The following JMJD1C variants were observed in gnomAD, a reference collection of about 807,000 sequenced individuals.
JMJD1C encodes jumonji domain-containing protein 1C.
A neutral mutation model predicts 245.3 loss-of-function variants in JMJD1C; 31 were observed. The ratio of observed to expected loss-of-function variants is 0.13; its 90% CI spans 0.09 to 0.17. JMJD1C has a LOEUF of 0.17. Among genes scored for constraint, JMJD1C ranks in the 10% least tolerant of loss-of-function variants. JMJD1C has a pLI of 1.00. For synonymous variants in JMJD1C, 1,057 were observed against 1,017.4 expected, an observed-to-expected ratio of 1.04 and a Z score of -0.74; for missense variants, 2,691 against 3,000.2, an observed-to-expected ratio of 0.90 and a Z score of 2.41.
chr10:63,245,156 AAGAG>A (rs1191558747), intron 3 of JMJD1C, among the ~76,000 whole-genome samples: 4 of 136,564 alleles, frequency 2.9e-5, no homozygotes, highest in African/African-American at 8.2e-5. Flanking sequence ...AAAAAAAAAA[AAGAG>A]AGATTAAAAA....
chr10:63,274,172 A>G (rs1856576302), intron 2 of JMJD1C, among the ~76,000 whole-genome samples: 1 of 152,250 alleles, frequency 6.6e-6, no homozygotes, highest in Admixed American at 6.5e-5. Flanking sequence ...AAAGCTGACT[A>G]TAATTCATTA....
At chr10:63,429,080 AAGAG>A (rs1950602521) in intron 1 of JMJD1C, among the ~76,000 whole-genome samples, 1 of 152,170 alleles carries the variant, frequency 6.6e-6, no homozygotes. Context: ...TCCCGGGTTC[AAGAG>A]AGTCTCCTGC....
rs920328156 is a variant in JMJD1C at position 63,205,016 on chromosome 10, T to A, written c.5074+1579A>T. 5.1e-6 allele frequency: 5 copies of A among 985,274 alleles called. No individual in the cohort carries two copies. In the African/African-American group the frequency reaches 8.7e-5, roughly 17 times the overall value. The allele number at this position is 985,274 out of a possible 1,614,324, so 61.0% of individuals were successfully genotyped here. On this transcript the variant is annotated intron_variant, in intron 10 of 25. Coordinates refer to ENST00000399262, the MANE Select transcript of JMJD1C (RefSeq NM_032776.3). The stretch of plus-strand genomic sequence containing the variant: ...GGACATAGTGAAACTAAGTGCTTTC[T>A]GCATTGTGCAACATACCTAAAAAGA...
chr10:63,511,226 C>T (rs144376981), intron 1 of JMJD1C, among the ~76,000 whole-genome samples: 43 of 152,120 alleles, frequency 2.8e-4, no homozygotes, highest in African/African-American at 9.4e-4. Flanking sequence ...TGTGTGTGGC[C>T]CCTGTTCTTT....
At chr10:63,188,108 C>T (rs756899542) in intron 18 of JMJD1C, among the ~76,000 whole-genome samples, 7 of 152,200 alleles carry the variant, frequency 4.6e-5, no homozygotes, top group Non-Finnish European at 8.8e-5. Context: ...CCTTTTTGAA[C>T]TAGTATCCTA....
chr10:63,408,750 G>A (rs111715428), intron 1 of JMJD1C, among the ~76,000 whole-genome samples: 41 of 150,846 alleles, frequency 2.7e-4, no homozygotes, highest in African/African-American at 1.0e-3. Flanking sequence ...ATACTCCATC[G>A]ATACAAGAGA....
chr10:63,352,111 A>C (rs747571821), intron 2 of JMJD1C, among the ~76,000 whole-genome samples: 5 of 152,222 alleles, frequency 3.3e-5, no homozygotes, highest in Non-Finnish European at 7.3e-5. Flanking sequence ...AGAAAACAAA[A>C]AAATTTTAGA....
At chr10:63,407,246 T>C (rs117263028) in intron 1 of JMJD1C, among the ~76,000 whole-genome samples, 5,136 of 152,278 alleles carry the variant, frequency 0.034, 123 homozygotes, top group Non-Finnish European at 0.055. Context: ...TAGAAAAGGT[T>C]ATGAAAGGGT....
rs146272485 is a variant in JMJD1C, at chr10:63,274,307, G to A, written c.334-9543C>T. On this transcript the variant is annotated intron_variant, in intron 2 of 25. Coordinates refer to ENST00000399262, the MANE Select transcript of JMJD1C (RefSeq NM_032776.3). ...AGGTCATACGCAGTGGTTCACGCCT[G>A]TAATCCCAGCACTCTGGGAGGCGGA... Among the ~76,000 whole-genome samples the A allele has an allele frequency of 7.3e-3, 1,105 of 152,328 alleles. 19 individuals are homozygous for A. The highest frequency in any genetic ancestry group is 0.025 in the African/African-American group (1,048 of 41,558).
chr10:63,183,268 A>G (rs555070667), intron 22 of JMJD1C, among the ~76,000 whole-genome samples, 179 bp downstream of exon 22: 2 of 152,364 alleles, frequency 1.3e-5, no homozygotes, highest in East Asian at 3.9e-4. Context: ...TTTCACTTAC[A>G]TAAAAAGAAA....
In JMJD1C at chr10:63,186,369, A is replaced by T; in HGVS notation, c.6585T>A (p.Ser2195=). The T allele has an allele frequency of 1.2e-6, 2 of 1,609,492 alleles. No individual in the cohort carries two copies. Among genetic ancestry groups the T allele is most frequent in the Non-Finnish European group, 1.7e-6 (2 of 1,178,094 alleles). Residue 2195 remains serine, a synonymous_variant, in exon 19 of 26, where the codon TCT becomes TCA. Transcript: ENST00000399262. ...TAATGTTCATTTTCTTATGCACACC[A>T]GAAACCACTGCAGGCTTATAAATAG... is the stretch of plus-strand genomic sequence containing the variant. The part of the protein sequence containing the change: ...CWKQGQPAVV[S]GVHKKMNISL...
At chr10:63,318,702 G>A (rs1227483896) in intron 2 of JMJD1C, among the ~76,000 whole-genome samples, 1 of 151,912 alleles carries the variant, frequency 6.6e-6, no homozygotes, top group Non-Finnish European at 1.5e-5. Flanking sequence ...CTTTGGCATA[G>A]ATAATTTGAG....
At chr10:63,521,189 G>A (rs954885210) in intron 1 of JMJD1C, among the ~76,000 whole-genome samples, 1 of 152,072 alleles carries the variant, frequency 6.6e-6, no homozygotes, top group Non-Finnish European at 1.5e-5. Context: ...GCGGCAGCGA[G>A]GCCGTCCAGC....
chr10:63,501,976 A>AT (rs1267684685), intron 1 of JMJD1C, among the ~76,000 whole-genome samples: 1 of 152,126 alleles, frequency 6.6e-6, no homozygotes, highest in African/African-American at 2.4e-5. Flanking sequence ...CAAATTTATC[A>AT]TTTTTCTAAA....
chr10:63,411,851 C>A (rs1290825589), intron 1 of JMJD1C, among the ~76,000 whole-genome samples: 1 of 151,910 alleles, frequency 6.6e-6, no homozygotes, highest in East Asian at 1.9e-4. Flanking sequence ...ATCCCACCTA[C>A]CTTGGCCTCC....
chr10:63,263,982 AC>A (rs1855175373), intron 3 of JMJD1C, among the ~76,000 whole-genome samples: 1 of 109,946 alleles, frequency 9.1e-6, no homozygotes, highest in African/African-American at 3.3e-5. Flanking sequence ...ACACACACAC[AC>A]ACACACACAC....
At position 63,168,418 on chromosome 10, in the gene JMJD1C, G is replaced by A. The variant is rs751861560; in HGVS notation, c.7533+17C>T. 5.0e-6 allele frequency: 8 copies of A among 1,594,702 alleles called. 1 individual carries two copies. The South Asian group carries it at 9.1e-5, about 18-fold the overall frequency. On this transcript the variant is annotated intron_variant, in intron 25 of 25. Transcript: ENST00000399262. ...TAAAAAGCCTGAAGAACAGGACCTA[G>A]AACACCCAACTCTTACCTGTAGTTT...
At chr10:63,372,100 G>C (rs1946364084) in intron 2 of JMJD1C, among the ~76,000 whole-genome samples, 1 of 152,210 alleles carries the variant, frequency 6.6e-6, no homozygotes, top group African/African-American at 2.4e-5. Flanking sequence ...CCAAAGAGCA[G>C]TGAACTCTAT....
intron 1 of JMJD1C, among the ~76,000 whole-genome samples, chr10:63,420,045 A>G (rs1950031202): frequency 6.6e-6 from 1 of 151,694 alleles, no homozygotes; most frequent in Admixed American, 6.6e-5. Context: ...CTGAGGCAGG[A>G]GAATTGCTTG....
Sources: allele counts gnomAD v4.1 joint callset (sites outside exome capture counted in the v4.1 genomes callset), GRCh38; gene constraint gnomAD v4.1.1; transcripts MANE v1.5; gene names NCBI Gene and HGNC (gene_info 2026-07-23, HGNC 2026-07-21).